CUBN: variants seen among roughly 807,000 people sequenced by gnomAD.
CUBN encodes cubilin, also known as 460 kDa receptor.
CUBN carries 282 observed loss-of-function variants against 405.3 expected under a neutral mutation model. That is an observed-to-expected ratio of 0.70 (90% CI 0.63 to 0.77). CUBN has a LOEUF of 0.77. Among genes scored for constraint, CUBN ranks in the 30% least tolerant of loss-of-function variants. CUBN has a pLI of 0.00. For synonymous variants in CUBN, 1,684 were observed against 1,617.0 expected (o/e 1.04, Z -0.99); for missense variants, 4,514 against 4,475.2 (o/e 1.01, Z -0.25).
intron 53 of CUBN, among the ~76,000 whole-genome samples, chr10:16,899,981 G>T (rs1841308148): frequency 6.6e-6 from 1 of 152,152 alleles, no homozygotes; most frequent in South Asian, 2.1e-4. Context: ...TATTTTCTGA[G>T]AATTTTCACA....
intron 6 of CUBN, 147 bp from the exon 7 acceptor site, chr10:17,115,744 A>T (rs1302076650): frequency 1.1e-6 from 1 of 946,924 alleles, no homozygotes; most frequent in Non-Finnish European, 1.7e-6. Context: ...TACTGACTGG[A>T]GTCTCGGGAG....
chr10:16,837,540 T>C (rs981192332), intron 62 of CUBN, among the ~76,000 whole-genome samples: 2 of 152,186 alleles, frequency 1.3e-5, no homozygotes, highest in African/African-American at 4.8e-5. Context: ...CTTTAGAGGT[T>C]TCTGTGTTTT....
intron 28 of CUBN, among the ~76,000 whole-genome samples, chr10:16,997,225 G>T (rs1833761443): frequency 6.6e-6 from 1 of 152,232 alleles, no homozygotes; most frequent in South Asian, 2.1e-4. Flanking sequence ...CACAAGGTCT[G>T]GAGATCGAGA....
chr10:16,869,541 C>A (rs941801851), intron 59 of CUBN, 95 bp downstream of exon 59: 5 of 901,448 alleles, frequency 5.5e-6, no homozygotes, highest in Non-Finnish European at 8.6e-6. Flanking sequence ...GAAAAGCAAT[C>A]ATAATCAGGT....
rs1370898196 is a variant in CUBN, at chr10:16,913,872, G to GT, written c.7471dup (p.Thr2491AsnfsTer5). 5 of 1,614,122 alleles carry GT rather than the reference G, an allele frequency of 3.1e-6. No homozygotes were observed. In the Admixed American group the frequency reaches 5.0e-5, roughly 16 times the overall value. ...CAGCCTCAGGTTGTTAAACATTAGG[G>GT]TGATCCGCCTTCCCTCCGGGGCAGT... On this transcript the variant is annotated frameshift_variant, in exon 48 of 67. Coordinates refer to ENST00000377833, the MANE Select transcript of CUBN (RefSeq NM_001081.4). LOFTEE classifies it high-confidence loss of function.
intron 56 of CUBN, among the ~76,000 whole-genome samples, chr10:16,885,331 T>C (rs1345464366): frequency 6.6e-6 from 1 of 152,182 alleles, no homozygotes; most frequent in African/African-American, 2.4e-5. Flanking sequence ...GGATACCATC[T>C]TAGAAAAGAA....
chr10:16,873,606 C>T (rs1298189874), intron 58 of CUBN, among the ~76,000 whole-genome samples: 1 of 151,482 alleles, frequency 6.6e-6, no homozygotes, highest in Admixed American at 6.6e-5. Flanking sequence ...CCTGTAATCC[C>T]AGCTACTCAG....
At chr10:16,884,303 G>C (rs1840749135) in intron 56 of CUBN, among the ~76,000 whole-genome samples, 1 of 152,080 alleles carries the variant, frequency 6.6e-6, no homozygotes, top group African/African-American at 2.4e-5. Context: ...TTTAATGAAA[G>C]AATAATCAAG....
At chr10:16,938,438 A>G (rs1308566111) in intron 38 of CUBN, among the ~76,000 whole-genome samples, 2 of 152,172 alleles carry the variant, frequency 1.3e-5, no homozygotes, top group Admixed American at 1.3e-4. Context: ...ATTATGTAAT[A>G]GTCATTCCCA....
intron 28 of CUBN, among the ~76,000 whole-genome samples, chr10:17,013,752 T>C (rs1246274792): frequency 6.6e-6 from 1 of 152,216 alleles, no homozygotes; most frequent in Non-Finnish European, 1.5e-5. Context: ...GTGCCACTAG[T>C]TCTGCTAACT....
intron 14 of CUBN, among the ~76,000 whole-genome samples, chr10:17,091,775 A>G (rs1836264679): frequency 5.9e-5 from 9 of 152,200 alleles, no homozygotes; most frequent in Admixed American, 5.9e-4. Context: ...GGATTTAACC[A>G]AACTTTTTGG....
intron 56 of CUBN, among the ~76,000 whole-genome samples, chr10:16,886,730 G>A (rs1392147200): frequency 5.3e-5 from 8 of 152,224 alleles, no homozygotes; most frequent in South Asian, 2.1e-4. Flanking sequence ...GAAGATGACC[G>A]AGATGGAGCA....
chr10:16,916,591 T>G (rs1290890622), intron 45 of CUBN, among the ~76,000 whole-genome samples: 1 of 152,182 alleles, frequency 6.6e-6, no homozygotes, highest in Non-Finnish European at 1.5e-5. Context: ...GCAGCTTGAC[T>G]CAGGATATAA....
Position 17,115,646 on chromosome 10 carries a change from G to T in CUBN, c.594-49C>A, listed in dbSNP as rs774737073. On this transcript the variant is annotated intron_variant, in intron 6 of 66. Coordinates refer to ENST00000377833, the MANE Select transcript of CUBN (RefSeq NM_001081.4). Reference sequence around the variant, plus strand: ...TGTCAGGGCACGCGCTTTGGGGCCAGTGCCTGTCTCTTAATATCAATGAGA... The same window carrying T: ...TGTCAGGGCACGCGCTTTGGGGCCATTGCCTGTCTCTTAATATCAATGAGA... The T allele has an allele frequency of 4.4e-6, 7 of 1,603,520 alleles. No individual in the cohort carries two copies. In the Admixed American group the frequency reaches 1.2e-4, roughly 27 times the overall value.
chr10:17,052,406 C>T (rs912673646), intron 22 of CUBN, among the ~76,000 whole-genome samples: 4 of 151,950 alleles, frequency 2.6e-5, no homozygotes, highest in Non-Finnish European at 4.4e-5. Context: ...TTCATTATCT[C>T]CTTAAAAGAG....
chr10:16,933,574 G>A (rs1056998897), intron 39 of CUBN, among the ~76,000 whole-genome samples: 4 of 152,106 alleles, frequency 2.6e-5, no homozygotes, highest in Non-Finnish European at 4.4e-5. Context: ...ATAAAGACAC[G>A]TAGAGGATCC....
intron 36 of CUBN, among the ~76,000 whole-genome samples, chr10:16,945,450 G>C (rs942188210): frequency 1.3e-5 from 2 of 152,114 alleles, no homozygotes; most frequent in East Asian, 1.9e-4. Context: ...TTCCCATCCA[G>C]AACGCTGTGC....
chr10:16,995,203 T>G (rs962384179), intron 28 of CUBN, among the ~76,000 whole-genome samples: 1 of 152,210 alleles, frequency 6.6e-6, no homozygotes, highest in Non-Finnish European at 1.5e-5. Context: ...AGAGAAAGTT[T>G]TCATGGAGTA....
chr10:16,842,798 C>A (rs539284927), intron 60 of CUBN, among the ~76,000 whole-genome samples: 1 of 152,350 alleles, frequency 6.6e-6, no homozygotes, highest in Admixed American at 6.5e-5. Context: ...CCCAGCTGCT[C>A]TGGCCTGTGC....
Sources: allele counts gnomAD v4.1 joint callset (sites outside exome capture counted in the v4.1 genomes callset), GRCh38; gene constraint gnomAD v4.1.1; transcripts MANE v1.5; gene names NCBI Gene and HGNC (gene_info 2026-07-23, HGNC 2026-07-21).